DOCK2: variants seen among roughly 807,000 people sequenced by gnomAD.
DOCK2 encodes the protein dedicator of cytokinesis 2.
A neutral mutation model predicts 248.9 loss-of-function variants in DOCK2; 87 were observed. The observed-to-expected ratio is 0.35, with a 90% CI of 0.29 to 0.42. DOCK2 has a LOEUF of 0.42. DOCK2 is among the 10% of genes least tolerant of loss of function. DOCK2 has a pLI of 1.00. For missense variants in DOCK2, 1,747 were observed against 2,300.2 expected (o/e 0.76, Z 4.92); for synonymous variants, 805 against 821.6 (o/e 0.98, Z 0.35).
chr5:169,801,119 C>G (rs528004542), intron 25 of DOCK2, among the ~76,000 whole-genome samples: 1 of 140,930 alleles, frequency 7.1e-6, no homozygotes, highest in Admixed American at 7.3e-5. Context: ...ATTACAGGTG[C>G]CTGCCACCAT....
intron 27 of DOCK2, among the ~76,000 whole-genome samples, chr5:169,895,423 C>T (rs1407785022): frequency 3.9e-5 from 6 of 152,134 alleles, no homozygotes; most frequent in African/African-American, 1.2e-4. Context: ...GGAGAACTTT[C>T]CTGGAGATCC....
intron 10 of DOCK2, among the ~76,000 whole-genome samples, chr5:169,698,002 C>T (rs958104334): frequency 6.6e-6 from 1 of 152,206 alleles, no homozygotes; most frequent in African/African-American, 2.4e-5. Context: ...GAGACCCAAT[C>T]ACTGCTGTCT....
chr5:169,776,836 T>C (rs958408833), intron 25 of DOCK2, among the ~76,000 whole-genome samples: 1 of 152,204 alleles, frequency 6.6e-6, no homozygotes, highest in African/African-American at 2.4e-5. Context: ...CCTTCCGCCA[T>C]GATTGTAAGT....
At chr5:170,021,136 A>G (rs907362624) in intron 33 of DOCK2, among the ~76,000 whole-genome samples, 3 of 152,200 alleles carry the variant, frequency 2.0e-5, no homozygotes, top group Non-Finnish European at 4.4e-5. Flanking sequence ...CCTTTTTGTG[A>G]AGAGCCTGTA....
chr5:169,734,164 T>C (rs1762919282), intron 22 of DOCK2, among the ~76,000 whole-genome samples: 2 of 152,292 alleles, frequency 1.3e-5, no homozygotes, highest in South Asian at 2.1e-4. Context: ...GTCTAATATG[T>C]TCTTTAACTG....
In DOCK2 at chr5:170,083,126, G is replaced by C. The variant is rs1758092334; in HGVS notation, c.*268G>C. ...CAGCAAGAATGCCTTCTCCCAGTGT[G>C]CTCTCCCCAACATCCTAGGCACAGC... On this transcript the variant is annotated 3_prime_UTR_variant, in exon 52 of 52. Coordinates refer to ENST00000520908, the MANE Select transcript of DOCK2 (RefSeq NM_004946.3). The C allele has an allele frequency of 8.5e-6, 4 of 468,960 alleles. No individual in the cohort carries two copies. Among genetic ancestry groups the C allele is most frequent in the Non-Finnish European group, 1.5e-5 (4 of 260,854 alleles). The allele number at this position is 468,960 out of a possible 1,614,324, so 29.0% of individuals were successfully genotyped here.
intron 44 of DOCK2, among the ~76,000 whole-genome samples, chr5:170,058,257 G>A (rs1404069627): frequency 6.6e-6 from 1 of 152,146 alleles, no homozygotes; most frequent in Non-Finnish European, 1.5e-5. Context: ...CTTGTAAATG[G>A]ACATATTTAG....
At chr5:170,044,969 A>G (rs1307751233) in intron 38 of DOCK2, among the ~76,000 whole-genome samples, 2 of 152,178 alleles carry the variant, frequency 1.3e-5, no homozygotes, top group African/African-American at 4.8e-5. Flanking sequence ...TCGGTCTAAG[A>G]GAGTGAGGTG....
intron 2 of DOCK2, among the ~76,000 whole-genome samples, chr5:169,666,686 C>A (rs1056015654): frequency 5.9e-5 from 9 of 152,154 alleles, no homozygotes; most frequent in Admixed American, 2.6e-4. Flanking sequence ...AGAAAAAAGT[C>A]ATAAGGATAG....
intron 17 of DOCK2, 32 bp downstream of exon 17, chr5:169,712,255 G>A (rs1761632863): frequency 1.3e-6 from 2 of 1,593,108 alleles, no homozygotes; most frequent in African/African-American, 1.3e-5. Flanking sequence ...TCTGCACTGA[G>A]GGGAGTGCAG....
At chr5:169,870,636 G>T (rs917653751) in intron 27 of DOCK2, among the ~76,000 whole-genome samples, 1 of 151,642 alleles carries the variant, frequency 6.6e-6, no homozygotes, top group Non-Finnish European at 1.5e-5. Flanking sequence ...AAGTTTTAGG[G>T]TACATGTGCA....
chr5:170,035,837 A>T (rs1756304755), intron 35 of DOCK2, among the ~76,000 whole-genome samples: 2 of 152,048 alleles, frequency 1.3e-5, no homozygotes, highest in South Asian at 4.1e-4. Context: ...TTAAACCAGG[A>T]TATACACCTG....
intron 26 of DOCK2, among the ~76,000 whole-genome samples, chr5:169,821,011 G>T (rs943995668): frequency 6.6e-6 from 1 of 152,158 alleles, no homozygotes; most frequent in Non-Finnish European, 1.5e-5. Flanking sequence ...CTGGAAGAAC[G>T]GGTATCTGTG....
chr5:169,768,912 C>T (rs1764938579), intron 25 of DOCK2, among the ~76,000 whole-genome samples: 1 of 152,174 alleles, frequency 6.6e-6, no homozygotes, highest in Non-Finnish European at 1.5e-5. Context: ...ACAGGCAACT[C>T]CTACTCATCC....
chr5:169,649,208 C>T (rs1757659788), intron 1 of DOCK2, among the ~76,000 whole-genome samples: 1 of 152,206 alleles, frequency 6.6e-6, no homozygotes, highest in African/African-American at 2.4e-5. Context: ...CTTACACAGC[C>T]ACTTGTCCAA....
At chr5:169,775,457 T>C (rs1765333183) in intron 25 of DOCK2, among the ~76,000 whole-genome samples, 1 of 151,972 alleles carries the variant, frequency 6.6e-6, no homozygotes, top group Non-Finnish European at 1.5e-5. Context: ...GAGATAAGTC[T>C]CCCAAGTGGA....
At chr5:169,718,209 T>C (rs929329074) in intron 21 of DOCK2, among the ~76,000 whole-genome samples, 1 of 152,128 alleles carries the variant, frequency 6.6e-6, no homozygotes, top group African/African-American at 2.4e-5. Context: ...GACCAGTTTG[T>C]GAAGGGGCCT....
chr5:169,745,698 G>A (rs968955992), intron 22 of DOCK2, among the ~76,000 whole-genome samples: 1 of 152,190 alleles, frequency 6.6e-6, no homozygotes, highest in Non-Finnish European at 1.5e-5. Context: ...TGGTTGTGAG[G>A]AGTGAGTGAT....
chr5:169,869,200 C>T (rs1325511505), intron 27 of DOCK2, among the ~76,000 whole-genome samples: 1 of 152,156 alleles, frequency 6.6e-6, no homozygotes, highest in African/African-American at 2.4e-5. Context: ...AGCATCACTC[C>T]TCACCCCTCC....
Sources: allele counts gnomAD v4.1 joint callset (sites outside exome capture counted in the v4.1 genomes callset), GRCh38; gene constraint gnomAD v4.1.1; transcripts MANE v1.5; gene names NCBI Gene and HGNC (gene_info 2026-07-23, HGNC 2026-07-21).